DCC: variants seen among roughly 807,000 people sequenced by gnomAD.
DCC encodes netrin receptor DCC.
Under a neutral mutation model 172.5 loss-of-function variants are expected in DCC, and 58 were observed. That is an observed-to-expected ratio of 0.34 (90% CI 0.27 to 0.42). The LOEUF (loss-of-function observed/expected upper bound fraction) is 0.42, where lower values mean the gene tolerates loss of function less well. Among genes scored for constraint, DCC ranks in the 10% least tolerant of loss-of-function variants. DCC has a pLI of 1.00. For missense variants in DCC, 1,740 were observed against 1,791.0 expected, an observed-to-expected ratio of 0.97 and a Z score of 0.51; for synonymous variants, 709 against 644.5, an observed-to-expected ratio of 1.10 and a Z score of -1.52.
intron 5 of DCC, among the ~76,000 whole-genome samples, chr18:52,978,545 CT>C (rs1316775840): frequency 2.6e-5 from 4 of 152,120 alleles, no homozygotes; most frequent in Non-Finnish European, 5.9e-5. Flanking sequence ...TGGAAGGTAG[CT>C]GTTATTATCA....
chr18:53,394,286 A>T (rs1191389494), intron 17 of DCC, among the ~76,000 whole-genome samples: 2 of 152,206 alleles, frequency 1.3e-5, no homozygotes, highest in Non-Finnish European at 2.9e-5. Context: ...TTTGTAGTTA[A>T]GTAGGAAGAC....
chr18:53,032,907 C>G (rs1252864824), intron 5 of DCC, among the ~76,000 whole-genome samples: 2 of 152,142 alleles, frequency 1.3e-5, no homozygotes, highest in Non-Finnish European at 2.9e-5. Context: ...GGCTCTAAAT[C>G]TGAGTTTTCT....
intron 1 of DCC, among the ~76,000 whole-genome samples, chr18:52,487,810 CAAAAAAA>C (rs5824940): frequency 2.0e-3 from 146 of 74,398 alleles, no homozygotes; most frequent in Admixed American, 6.5e-3. Context: ...GACTCCACCT[CAAAAAAA>C]AAAAAAAAAA....
intron 2 of DCC, among the ~76,000 whole-genome samples, chr18:52,779,270 C>A (rs1442002721): frequency 2.0e-5 from 3 of 152,090 alleles, no homozygotes; most frequent in Non-Finnish European, 2.9e-5. Flanking sequence ...CTGTCATCTA[C>A]GTTAGGTATT....
At chr18:53,422,430 C>T (rs1910685667) in intron 21 of DCC, among the ~76,000 whole-genome samples, 1 of 152,128 alleles carries the variant, frequency 6.6e-6, no homozygotes. Flanking sequence ...GGCCCAGATA[C>T]ATACCCAGGC....
intron 2 of DCC, among the ~76,000 whole-genome samples, chr18:52,781,439 A>T (rs946319923): frequency 2.0e-5 from 3 of 152,038 alleles, no homozygotes; most frequent in Non-Finnish European, 2.9e-5. Context: ...CATCATAGAC[A>T]GTTGAATTTT....
chr18:52,447,151 A>G (rs1405925826), intron 1 of DCC, among the ~76,000 whole-genome samples: 2 of 152,218 alleles, frequency 1.3e-5, no homozygotes, highest in African/African-American at 2.4e-5. Context: ...TAGTCTGCCT[A>G]AGGGTTTCAA....
At chr18:53,240,283 G>A (rs2056274794) in intron 12 of DCC, among the ~76,000 whole-genome samples, 1 of 152,046 alleles carries the variant, frequency 6.6e-6, no homozygotes, top group Non-Finnish European at 1.5e-5. Flanking sequence ...ACAGTCAATA[G>A]CAAGCTTCCA....
intron 1 of DCC, among the ~76,000 whole-genome samples, chr18:52,627,106 C>T (rs1788308143): frequency 6.6e-6 from 1 of 152,120 alleles, no homozygotes; most frequent in South Asian, 2.1e-4. Flanking sequence ...AAGTAAGTTC[C>T]TATTTTACAT....
chr18:52,829,210 C>T (rs1358470330), intron 2 of DCC, among the ~76,000 whole-genome samples: 1 of 152,142 alleles, frequency 6.6e-6, no homozygotes, highest in East Asian at 1.9e-4. Context: ...TTTTCTTTTC[C>T]TACATAAAGC....
chr18:52,585,863 C>T (rs1448985783), intron 1 of DCC, among the ~76,000 whole-genome samples: 4 of 152,086 alleles, frequency 2.6e-5, no homozygotes, highest in Non-Finnish European at 5.9e-5. Context: ...GTGAGTGGAT[C>T]ACGAGGTTAG....
chr18:52,773,406 C>G lies in DCC; in HGVS notation c.412+21032C>G, dbSNP rs564550038. Reference sequence around the variant, plus strand: ...GAGTTCTATTTCAAGATGATGTATTCACCAAATCTTTATTAGTTTCCCCAA... The same window carrying G: ...GAGTTCTATTTCAAGATGATGTATTGACCAAATCTTTATTAGTTTCCCCAA... On this transcript the variant is annotated intron_variant, in intron 2 of 28. Coordinates refer to ENST00000442544, the MANE Select transcript of DCC (RefSeq NM_005215.4). 4.7e-4 allele frequency among the ~76,000 whole-genome samples: 72 copies of G among 152,152 alleles called. 2 individuals are homozygous for G. Among genetic ancestry groups the G allele is most frequent in the Admixed American group, 2.4e-3 (36 of 15,282 alleles).
rs751059155 is a variant in DCC at position 53,499,451 on chromosome 18, C to T, written c.4052C>T (p.Pro1351Leu). The change falls in exon 27 of 29, where the codon CCT becomes CTT. Residue 1351 changes from proline (P) to leucine (L), a missense_variant. By Grantham distance (98) the Pro-to-Leu change is moderately conservative. Transcript: ENST00000442544. The part of the protein sequence containing the change: ...PLRSFANPLL[P>L]PPMSAIEPKV... ...CGCAGCTTTGCTAATCCTTTGCTAC[C>T]TCCACCAATGAGTGCAATAGAACCG... is the stretch of plus-strand genomic sequence containing the variant. 1.5e-5 allele frequency: 24 copies of T among 1,614,028 alleles called. No individual in the cohort carries two copies. Among genetic ancestry groups the T allele is most frequent in the Middle Eastern group, 1.6e-4 (1 of 6,084 alleles).
At chr18:52,958,648 G>A (rs1455553394) in intron 5 of DCC, among the ~76,000 whole-genome samples, 1 of 152,042 alleles carries the variant, frequency 6.6e-6, no homozygotes, top group African/African-American at 2.4e-5. Flanking sequence ...GAGACAGAAA[G>A]ATCAGGACTT....
chr18:52,929,817 AACACACACACACACACACACAC>A (rs34457182), intron 5 of DCC, among the ~76,000 whole-genome samples: 6 of 144,788 alleles, frequency 4.1e-5, no homozygotes, highest in African/African-American at 7.7e-5. Flanking sequence ...GGACTTTGCA[AACACACACACACACACACACAC>A]ACACACACAC....
chr18:53,204,188 G>GGA (rs1555729905), intron 9 of DCC, among the ~76,000 whole-genome samples: 3 of 150,296 alleles, frequency 2.0e-5, no homozygotes, highest in African/African-American at 7.4e-5. Flanking sequence ...AGGGAAAAAA[G>GGA]AAAAAAAAAC....
chr18:52,812,760 T>TG (rs1182680807), intron 2 of DCC, among the ~76,000 whole-genome samples: 2 of 152,228 alleles, frequency 1.3e-5, no homozygotes, highest in Non-Finnish European at 2.9e-5. Flanking sequence ...TCTCACATTA[T>TG]GTACTTGCTG....
chr18:52,896,694 C>T (rs1417145708), intron 2 of DCC, among the ~76,000 whole-genome samples: 1 of 152,094 alleles, frequency 6.6e-6, no homozygotes, highest in African/African-American at 2.4e-5. Flanking sequence ...CAATGCTTCC[C>T]AAAACTGCCT....
chr18:52,784,909 G>GGA (rs201862478), intron 2 of DCC, among the ~76,000 whole-genome samples: 13 of 143,890 alleles, frequency 9.0e-5, no homozygotes, highest in African/African-American at 1.6e-4. Flanking sequence ...AGGTGGAGGG[G>GGA]GAGAGAGAGA....
Sources: gnomAD v4.1 joint callset for allele counts (sites outside exome capture counted in the v4.1 genomes callset) on GRCh38, gnomAD v4.1.1 for gene constraint, MANE v1.5 for transcripts, NCBI Gene and HGNC (gene_info 2026-07-23, HGNC 2026-07-21) for gene names.